SUGCT: variants seen among roughly 807,000 people sequenced by gnomAD.
SUGCT encodes the protein succinyl-CoA:glutarate CoA-transferase.
SUGCT carries 41 observed loss-of-function variants against 55.0 expected under a neutral mutation model. The ratio of observed to expected loss-of-function variants is 0.74; its 90% CI spans 0.58 to 0.97. The LOEUF is 0.97. SUGCT is among the 50% of genes least tolerant of loss of function. SUGCT has a pLI of 0.00. For missense variants in SUGCT, 568 were observed against 547.8 expected (o/e 1.04, Z -0.37); for synonymous variants, 187 against 200.4 (o/e 0.93, Z 0.56).
intron 7 of SUGCT, among the ~76,000 whole-genome samples, chr7:40,263,812 A>G (rs6952342): frequency 1 from 151,690 of 152,296 alleles, 75,544 homozygotes; most frequent in South Asian, 1. Flanking sequence ...GTCCACCTGC[A>G]ATGAAGATCA....
intron 12 of SUGCT, among the ~76,000 whole-genome samples, chr7:40,498,341 A>G (rs1792098930): frequency 3.3e-5 from 5 of 152,176 alleles, no homozygotes; most frequent in Admixed American, 3.3e-4. Flanking sequence ...CTCAGTACAC[A>G]ATGTGTACCT....
chr7:40,370,034 A>G (rs1224191989), intron 9 of SUGCT, among the ~76,000 whole-genome samples: 1 of 152,140 alleles, frequency 6.6e-6, no homozygotes, highest in Non-Finnish European at 1.5e-5. Context: ...TTAGAGAAAA[A>G]TGAGACACTC....
the SUGCT span, among the ~76,000 whole-genome samples, chr7:41,002,468 G>A: frequency 3.3e-5 from 5 of 152,178 alleles, no homozygotes; most frequent in Admixed American, 3.3e-4. Flanking sequence ...GGTGAGAGTT[G>A]CAAGGATGTA....
At chr7:40,536,875 G>T (rs1794392452) in intron 12 of SUGCT, among the ~76,000 whole-genome samples, 1 of 152,140 alleles carries the variant, frequency 6.6e-6, no homozygotes, top group Admixed American at 6.5e-5. Flanking sequence ...GTTAACAGCG[G>T]AATATTCTTA....
the SUGCT span, among the ~76,000 whole-genome samples, chr7:40,972,554 A>G: frequency 6.6e-6 from 1 of 152,336 alleles, no homozygotes; most frequent in East Asian, 1.9e-4. Flanking sequence ...TGCAACAGGA[A>G]TACTGAGCTT....
chr7:40,180,810 G>A, intron 1 of SUGCT, 137 bp from the exon 2 acceptor site: 1 of 652,554 alleles, frequency 1.5e-6, no homozygotes. Flanking sequence ...TTCTTTACTA[G>A]AGTCTTGTGG....
intron 11 of SUGCT, among the ~76,000 whole-genome samples, chr7:40,476,909 G>T (rs1467600001): frequency 3.3e-5 from 5 of 151,600 alleles, no homozygotes; most frequent in African/African-American, 9.7e-5. Flanking sequence ...TGATTCTCCT[G>T]CCTCAGCCTC....
intron 1 of SUGCT, among the ~76,000 whole-genome samples, chr7:40,137,699 T>G (rs1584140784): frequency 1.3e-5 from 2 of 152,232 alleles, no homozygotes; most frequent in East Asian, 3.9e-4. Context: ...ATTTAAGTAT[T>G]GAGACATGTC....
At chr7:40,774,703 C>A (rs1789361180) in intron 13 of SUGCT, among the ~76,000 whole-genome samples, 1 of 151,490 alleles carries the variant, frequency 6.6e-6, no homozygotes, top group Non-Finnish European at 1.5e-5. Flanking sequence ...TTGGCTTTTT[C>A]CATAAGTTTC....
rs558381851 is a variant in SUGCT, at chr7:40,502,595, G to T, written c.1089+6209G>T. ...TATAAATGCAATTAAAATTAAAGGA[G>T]AACATTAATGAAACATTTTAAATGT... On this transcript the variant is annotated intron_variant, in intron 12 of 13. Transcript: ENST00000335693. 2.4e-4 allele frequency among the ~76,000 whole-genome samples: 36 copies of T among 151,864 alleles called. 1 individual carries two copies. Among genetic ancestry groups the T allele is most frequent in the African/African-American group, 7.7e-4 (32 of 41,442 alleles).
At chr7:40,373,561 C>G (rs992856865) in intron 9 of SUGCT, among the ~76,000 whole-genome samples, 2 of 151,808 alleles carry the variant, frequency 1.3e-5, no homozygotes, top group African/African-American at 4.8e-5. Flanking sequence ...GAATATAGTT[C>G]AAAGAAGTCC....
At chr7:40,312,242 T>C (rs1273397193) in intron 8 of SUGCT, among the ~76,000 whole-genome samples, 5 of 152,084 alleles carry the variant, frequency 3.3e-5, no homozygotes, top group Admixed American at 6.5e-5. Flanking sequence ...AGTTTCTCCA[T>C]GTTGGTTAGG....
intron 12 of SUGCT, among the ~76,000 whole-genome samples, chr7:40,677,884 T>C (rs1462319001): frequency 1.3e-5 from 2 of 152,170 alleles, no homozygotes; most frequent in African/African-American, 2.4e-5. Flanking sequence ...TGATCTTGAC[T>C]GTTACATGTT....
chr7:40,181,870 T>C, intron 2 of SUGCT, 85 bp from the exon 3 acceptor site: 1 of 828,840 alleles, frequency 1.2e-6, no homozygotes, highest in Non-Finnish European at 2.0e-6. Flanking sequence ...TATGAGCGTG[T>C]CTGTGTTGAC....
intron 13 of SUGCT, chr7:40,782,499 T>G (rs1032341764): frequency 1.3e-5 from 2 of 152,204 alleles, no homozygotes; most frequent in African/African-American, 2.4e-5. Flanking sequence ...TTTGTAAGTT[T>G]CTTCTGCTCC....
intron 12 of SUGCT, among the ~76,000 whole-genome samples, chr7:40,518,701 G>A (rs961519095): frequency 1.3e-5 from 2 of 151,984 alleles, no homozygotes; most frequent in African/African-American, 2.4e-5. Context: ...TTAGAGTAGT[G>A]GTTGATTCCA....
chr7:40,800,356 T>A lies in SUGCT; in HGVS notation c.1153+50859T>A, dbSNP rs568940000. Among the ~76,000 whole-genome samples the A allele has an allele frequency of 1.5e-3, 219 of 150,338 alleles. 1 individual carries two copies. The highest frequency in any genetic ancestry group is 4.9e-3 in the African/African-American group (202 of 40,936). On this transcript the variant is annotated intron_variant, in intron 13 of 13. Transcript: ENST00000335693. Reference sequence around the variant, plus strand: ...CAGGCTGGAGTGCAATGGCGCAATCTCAGCTCACTGCAACCTCCGCCTCCT... The same window carrying A: ...CAGGCTGGAGTGCAATGGCGCAATCACAGCTCACTGCAACCTCCGCCTCCT...
intron 1 of SUGCT, among the ~76,000 whole-genome samples, chr7:40,140,310 A>C (rs1426084578): frequency 6.6e-6 from 1 of 152,206 alleles, no homozygotes; most frequent in Non-Finnish European, 1.5e-5. Flanking sequence ...TCCTTTCCCC[A>C]GTAAATGTTG....
At chr7:40,820,227 G>A in intron 13 of SUGCT, among the ~76,000 whole-genome samples, 1 of 149,146 alleles carries the variant, frequency 6.7e-6, no homozygotes, top group East Asian at 2.0e-4. Flanking sequence ...TTTTGGCTTA[G>A]GATCGTCTTG....
Sources: gnomAD v4.1 joint callset for allele counts (sites outside exome capture counted in the v4.1 genomes callset) on GRCh38, gnomAD v4.1.1 for gene constraint, MANE v1.5 for transcripts, NCBI Gene and HGNC (gene_info 2026-07-23, HGNC 2026-07-21) for gene names.